Variants in KCMF1 observed in about 807,000 individuals in gnomAD.
The protein encoded by KCMF1 is E3 ubiquitin-protein ligase KCMF1.
Under a neutral mutation model 41.1 loss-of-function variants are expected in KCMF1, and 3 were observed. The observed-to-expected ratio is 0.07, with a 90% CI of 0.03 to 0.19. The LOEUF (loss-of-function observed/expected upper bound fraction) is 0.19. Ranked by LOEUF, KCMF1 falls within the 10% of genes least tolerant of loss-of-function variation. KCMF1 has a pLI of 1.00. For missense variants in KCMF1, 286 were observed against 488.9 expected, an observed-to-expected ratio of 0.58 and a Z score of 3.91; for synonymous variants, 142 against 164.5, an observed-to-expected ratio of 0.86 and a Z score of 1.04.
At chr2:85,046,886 A>G (rs1461982757) in intron 5 of KCMF1, among the ~76,000 whole-genome samples, 2 of 152,168 alleles carry the variant, frequency 1.3e-5, no homozygotes, top group African/African-American at 4.8e-5. Context: ...GTACAGGACA[A>G]TAAGATACTT....
At chr2:85,011,461 A>T (rs1255740803) in intron 1 of KCMF1, among the ~76,000 whole-genome samples, 2 of 152,168 alleles carry the variant, frequency 1.3e-5, no homozygotes, top group African/African-American at 4.8e-5. Flanking sequence ...TTTAATTGCT[A>T]ATGGCTATTA....
At chr2:85,004,357 A>G (rs574425464) in intron 1 of KCMF1, among the ~76,000 whole-genome samples, 62 of 152,126 alleles carry the variant, frequency 4.1e-4, no homozygotes, top group African/African-American at 1.5e-3. Flanking sequence ...TAAAAGTACA[A>G]AAAATTAGGC....
chr2:85,040,992 C>T (rs143818163), intron 3 of KCMF1, among the ~76,000 whole-genome samples: 1,580 of 152,092 alleles, frequency 0.01, 22 homozygotes, highest in African/African-American at 0.036. Flanking sequence ...GAACTCCTGA[C>T]CTTGTGATCC....
intron 1 of KCMF1, among the ~76,000 whole-genome samples, chr2:85,010,826 C>G (rs554542708): frequency 6.6e-6 from 1 of 151,048 alleles, no homozygotes; most frequent in African/African-American, 2.4e-5. Flanking sequence ...CTGTGTTATT[C>G]AGTGAGTTAT....
At chr2:85,038,814 T>C (rs1675460248) in intron 3 of KCMF1, among the ~76,000 whole-genome samples, 1 of 152,142 alleles carries the variant, frequency 6.6e-6, no homozygotes, top group Non-Finnish European at 1.5e-5. Context: ...TGTAGCTGAG[T>C]TCTAAGAGCC....
chr2:84,992,191 T>C lies in KCMF1; in HGVS notation c.16+20724T>C, dbSNP rs1674055180. Reference sequence around the variant, plus strand: ...TAGTAACCTCAGAGAATGGTTGTTATTAGATGGTTTTATATATAAAATGTT... The same window carrying C: ...TAGTAACCTCAGAGAATGGTTGTTACTAGATGGTTTTATATATAAAATGTT... On this transcript the variant is annotated intron_variant, in intron 1 of 6. Transcript: ENST00000409785. 2.0e-5 allele frequency among the ~76,000 whole-genome samples: 3 copies of C among 152,220 alleles called. No homozygotes were observed. In the South Asian group the frequency reaches 6.2e-4, roughly 32 times the overall value.
At chr2:85,038,656 T>A (rs930311859) in intron 3 of KCMF1, among the ~76,000 whole-genome samples, 1 of 152,186 alleles carries the variant, frequency 6.6e-6, no homozygotes, top group Non-Finnish European at 1.5e-5. Flanking sequence ...GTATAATATG[T>A]GTCAACAGGT....
chr2:85,026,315 CAA>C (rs942271404), intron 1 of KCMF1, among the ~76,000 whole-genome samples: 3 of 150,424 alleles, frequency 2.0e-5, no homozygotes, highest in African/African-American at 7.3e-5. Flanking sequence ...TTTTTTTAAA[CAA>C]ATACAAATGA....
In KCMF1 at chr2:84,971,420, G is replaced by A; in HGVS notation, c.-32G>A. On this transcript the variant is annotated 5_prime_UTR_variant, in exon 1 of 7. Transcript: ENST00000409785. ...CGGGGGACACTGCAGCCGGAGCCCGGGAGGGGCCGCGCCGCCACCGTCTGA... is the reference window on the plus strand; with the variant it reads ...CGGGGGACACTGCAGCCGGAGCCCGAGAGGGGCCGCGCCGCCACCGTCTGA... 2 of 1,226,632 alleles carry A rather than the reference G, an allele frequency of 1.6e-6. No homozygotes were observed. Among genetic ancestry groups the A allele is most frequent in the Non-Finnish European group, 2.1e-6 (2 of 965,258 alleles). 76.0% of individuals were successfully genotyped at this position (1,226,632 alleles called of 1,614,324 possible).
intron 1 of KCMF1, among the ~76,000 whole-genome samples, chr2:85,009,672 T>C (rs910985430): frequency 3.9e-5 from 6 of 152,212 alleles, no homozygotes; most frequent in Non-Finnish European, 7.3e-5. Context: ...CCCTCTTCTT[T>C]CTTTTTTCTG....
At chr2:85,030,576 T>G (rs1206650062) in intron 2 of KCMF1, among the ~76,000 whole-genome samples, 1 of 152,214 alleles carries the variant, frequency 6.6e-6, no homozygotes, top group African/African-American at 2.4e-5. Context: ...CCCAGTATCT[T>G]TTGTTGGAAA....
At chr2:85,052,075 C>T (rs542730416) in intron 6 of KCMF1, among the ~76,000 whole-genome samples, 4 of 152,250 alleles carry the variant, frequency 2.6e-5, no homozygotes, top group East Asian at 1.9e-4. Flanking sequence ...TAAGTCAGAT[C>T]GGTCTTTTTT....
At chr2:85,023,847 G>C (rs1255880432) in intron 1 of KCMF1, among the ~76,000 whole-genome samples, 1 of 152,184 alleles carries the variant, frequency 6.6e-6, no homozygotes, top group Non-Finnish European at 1.5e-5. Flanking sequence ...CACTTCTGCT[G>C]CCCTTTATCT....
intron 1 of KCMF1, among the ~76,000 whole-genome samples, chr2:85,006,494 G>A (rs1210420783): frequency 1.3e-5 from 2 of 151,270 alleles, no homozygotes; most frequent in African/African-American, 4.8e-5. Flanking sequence ...TAGAGACAGG[G>A]TTTCACCGTA....
chr2:85,024,945 T>A (rs181941011), intron 1 of KCMF1, among the ~76,000 whole-genome samples: 6 of 152,362 alleles, frequency 3.9e-5, no homozygotes, highest in Admixed American at 3.3e-4. Flanking sequence ...CCTGGTGCCA[T>A]TCCATCTTAC....
chr2:85,031,326 T>TA (rs1272249098), intron 2 of KCMF1, among the ~76,000 whole-genome samples: 6 of 152,234 alleles, frequency 3.9e-5, no homozygotes, highest in African/African-American at 1.4e-4. Flanking sequence ...CTTTTGTAGT[T>TA]ATCACAGTAT....
At chr2:85,012,252 A>G (rs1674671039) in intron 1 of KCMF1, among the ~76,000 whole-genome samples, 1 of 152,204 alleles carries the variant, frequency 6.6e-6, no homozygotes, top group African/African-American at 2.4e-5. Flanking sequence ...ACATGCTCTT[A>G]AAGTGTGTTG....
chr2:84,993,768 G>A (rs1265437719), intron 1 of KCMF1, among the ~76,000 whole-genome samples: 1 of 151,570 alleles, frequency 6.6e-6, no homozygotes, highest in South Asian at 2.1e-4. Context: ...TAGAGACAGG[G>A]TTTCATCATG....
chr2:84,991,283 G>A (rs1314189219), intron 1 of KCMF1, among the ~76,000 whole-genome samples: 2 of 152,214 alleles, frequency 1.3e-5, no homozygotes, highest in African/African-American at 4.8e-5. Context: ...GCATTTTGGA[G>A]ATGGAGGTCA....
Sources: allele counts gnomAD v4.1 joint callset (sites outside exome capture counted in the v4.1 genomes callset), GRCh38; gene constraint gnomAD v4.1.1; transcripts MANE v1.5; gene names NCBI Gene and HGNC (gene_info 2026-07-23, HGNC 2026-07-21).